The following RASSF3 variants were observed in gnomAD, a reference collection of about 807,000 sequenced individuals.
RASSF3 encodes Ras association domain family member 3, also known as ras association domain-containing protein 3.
Under a neutral mutation model 19.9 loss-of-function variants are expected in RASSF3, and 19 were observed. That is an observed-to-expected ratio of 0.96 (90% CI 0.67 to 1.40). The LOEUF (loss-of-function observed/expected upper bound fraction) is 1.40, where lower values mean the gene tolerates loss of function less well. RASSF3 is among the 40% of genes most tolerant of loss of function. RASSF3 has a pLI of 0.00. For synonymous variants in RASSF3, 110 were observed against 104.2 expected (o/e 1.06, Z -0.34); for missense variants, 306 against 289.8 (o/e 1.06, Z -0.41).
chr12:64,693,918 G>A (rs1227585147), intron 4 of RASSF3, among the ~76,000 whole-genome samples: 2 of 152,196 alleles, frequency 1.3e-5, no homozygotes, highest in African/African-American at 2.4e-5. Context: ...GTGATCAGGG[G>A]CTCTGTGAAG....
At position 64,547,966 on chromosome 12, in the gene RASSF3, C is replaced by T. The variant is rs1869097581; in HGVS notation, c.294+6261C>T. Among the ~76,000 whole-genome samples, 6 of 151,978 alleles carry T rather than the reference C, an allele frequency of 3.9e-5. No homozygotes were observed. The South Asian group carries it at 1.0e-3, about 26-fold the overall frequency. On this transcript the variant is annotated intron_variant, in intron 2 of 5. Coordinates refer to the RASSF3 transcript ENST00000637125. ...AGTGTCCTTCATTCCTCTCTTTTTT[C>T]AGTGTCCATTGTCTATATGTATTTC... is the stretch of plus-strand genomic sequence containing the variant.
intron 1 of RASSF3, among the ~76,000 whole-genome samples, chr12:64,519,013 G>C (rs183698148): frequency 6.6e-6 from 1 of 152,242 alleles, no homozygotes; most frequent in Admixed American, 6.5e-5. Flanking sequence ...TCTATGACTA[G>C]AGCTCAAAAC....
chr12:64,534,037 T>C (rs775871614), intron 1 of RASSF3, among the ~76,000 whole-genome samples: 40 of 152,284 alleles, frequency 2.6e-4, no homozygotes, highest in South Asian at 1.9e-3. Flanking sequence ...GGTAGGAGGA[T>C]TGCTTGAGCC....
At chr12:64,596,099 G>T (rs951934598) in intron 2 of RASSF3, among the ~76,000 whole-genome samples, 1 of 152,188 alleles carries the variant, frequency 6.6e-6, no homozygotes, top group African/African-American at 2.4e-5. Flanking sequence ...AGGCAGACAG[G>T]CCTTGCTGGG....
chr12:64,516,482 A>G (rs937681308), intron 1 of RASSF3, among the ~76,000 whole-genome samples: 222 of 149,328 alleles, frequency 1.5e-3, no homozygotes, highest in Middle Eastern at 3.4e-3. Context: ...AGCCGGGCGT[A>G]GTGGCGGGCG....
Position 64,583,214 on chromosome 12 carries a change from T to C in RASSF3, c.294+41509T>C, listed in dbSNP as rs138222577. 5.3e-5 allele frequency among the ~76,000 whole-genome samples: 8 copies of C among 152,328 alleles called. No homozygotes were observed. In the East Asian group the frequency reaches 7.7e-4, roughly 15 times the overall value. On this transcript the variant is annotated intron_variant, in intron 2 of 5. Coordinates refer to the RASSF3 transcript ENST00000637125. Reference sequence around the variant, plus strand: ...GATCTCTACCCTCTGAGGCAGTTAATGCAGCTGCTTTGTTTAGGCTGTTTC... The same window carrying C: ...GATCTCTACCCTCTGAGGCAGTTAACGCAGCTGCTTTGTTTAGGCTGTTTC...
At chr12:64,685,551 G>C (rs1873317038) in intron 2 of RASSF3, among the ~76,000 whole-genome samples, 2 of 152,036 alleles carry the variant, frequency 1.3e-5, no homozygotes, top group East Asian at 3.9e-4. Flanking sequence ...TTTTTGTCTT[G>C]TACAAAATAA....
At chr12:64,588,422 C>A (rs1533710) in intron 2 of RASSF3, among the ~76,000 whole-genome samples, 43 of 151,872 alleles carry the variant, frequency 2.8e-4, no homozygotes, top group African/African-American at 1.0e-3. Context: ...TGGTGGCTCA[C>A]GCCTGTAATC....
chr12:64,626,009 C>A (rs920773060), intron 1 of RASSF3, among the ~76,000 whole-genome samples: 3 of 152,108 alleles, frequency 2.0e-5, no homozygotes, highest in Non-Finnish European at 4.4e-5. Context: ...CTCTCCACCC[C>A]CAACCTCCCC....
intron 1 of RASSF3, among the ~76,000 whole-genome samples, chr12:64,509,918 C>G (rs1326352697): frequency 6.6e-6 from 1 of 152,010 alleles, no homozygotes; most frequent in Non-Finnish European, 1.5e-5. Flanking sequence ...GAAACCCCAT[C>G]TCTACTAAAA....
At chr12:64,692,698 T>A (rs760083401) in intron 4 of RASSF3, among the ~76,000 whole-genome samples, 1 of 152,200 alleles carries the variant, frequency 6.6e-6, no homozygotes, top group Non-Finnish European at 1.5e-5. Flanking sequence ...AAGTAGCAAC[T>A]AGAACTACAT....
chr12:64,520,072 C>T (rs1010282490), intron 1 of RASSF3, among the ~76,000 whole-genome samples: 8 of 151,928 alleles, frequency 5.3e-5, no homozygotes, highest in African/African-American at 1.9e-4. Context: ...AGAGATCATG[C>T]ATTTATATTG....
chr12:64,636,120 GT>G (rs111762481), intron 1 of RASSF3, among the ~76,000 whole-genome samples: 41,988 of 147,056 alleles, frequency 0.29, 6,335 homozygotes, highest in Non-Finnish European at 0.36. Flanking sequence ...ATAACTTACG[GT>G]TTTTTTTTTT....
chr12:64,607,823 C>CAT (rs1372208267), upstream of RASSF3, among the ~76,000 whole-genome samples: 2 of 152,070 alleles, frequency 1.3e-5, no homozygotes, highest in African/African-American at 4.8e-5. Context: ...GTGGTAAGAT[C>CAT]ATAGTTCATT....
At chr12:64,554,535 A>T (rs569784151) in intron 2 of RASSF3, among the ~76,000 whole-genome samples, 10 of 151,980 alleles carry the variant, frequency 6.6e-5, no homozygotes, top group African/African-American at 2.4e-4. Flanking sequence ...GAACTCCTGA[A>T]CTCAGGTGAT....
intron 2 of RASSF3, among the ~76,000 whole-genome samples, chr12:64,686,290 C>T (rs1873348113): frequency 6.6e-6 from 1 of 152,074 alleles, no homozygotes; most frequent in African/African-American, 2.4e-5. Context: ...CCTGTAATCT[C>T]AGCATTTTGG....
intron 2 of RASSF3, among the ~76,000 whole-genome samples, chr12:64,552,371 T>C (rs1869179411): frequency 6.6e-6 from 1 of 152,132 alleles, no homozygotes; most frequent in Non-Finnish European, 1.5e-5. Flanking sequence ...AGGATAAATT[T>C]AATTTTTATT....
At chr12:64,606,550 G>C (rs754550126), upstream of RASSF3, among the ~76,000 whole-genome samples, 2 of 152,128 alleles carry the variant, frequency 1.3e-5, no homozygotes, top group African/African-American at 2.4e-5. Context: ...TAATTAAATT[G>C]TTAAAGGTCA....
intron 1 of RASSF3, among the ~76,000 whole-genome samples, chr12:64,643,751 A>C (rs1871631778): frequency 6.6e-6 from 1 of 152,122 alleles, no homozygotes; most frequent in Non-Finnish European, 1.5e-5. Context: ...TTTGCATGTG[A>C]ATTTTAGACT....
Sources: allele counts gnomAD v4.1 joint callset (sites outside exome capture counted in the v4.1 genomes callset), GRCh38; gene constraint gnomAD v4.1.1; transcripts MANE v1.5; gene names NCBI Gene and HGNC (gene_info 2026-07-23, HGNC 2026-07-21).